CHODL: variants seen among roughly 807,000 people sequenced by gnomAD.
The protein encoded by CHODL is chondrolectin, also known as transmembrane protein MT75.
A neutral mutation model predicts 34.5 loss-of-function variants in CHODL; 29 were observed. The ratio of observed to expected loss-of-function variants is 0.84; its 90% CI spans 0.63 to 1.15. The LOEUF is 1.15. Ranked by LOEUF, CHODL falls within the 50% of genes most tolerant of loss-of-function variation. The pLI, the probability that CHODL is intolerant of heterozygous loss-of-function variation, is 0.00. For synonymous variants in CHODL, 125 were observed against 116.1 expected (o/e 1.08, Z -0.49); for missense variants, 332 against 332.5 (o/e 1.00, Z 0.01).
intron 1 of CHODL, among the ~76,000 whole-genome samples, chr21:17,933,944 C>G (rs560927142): frequency 6.6e-6 from 1 of 151,172 alleles, no homozygotes; most frequent in Non-Finnish European, 1.5e-5. Flanking sequence ...GAGGCTGAGA[C>G]GAGAATCACT....
Position 18,167,476 on chromosome 21 carries a change from A to AT in CHODL, c.-44-89027dup, listed in dbSNP as rs201321229. Among the ~76,000 whole-genome samples, 782 of 151,492 alleles carry AT rather than the reference A, an allele frequency of 5.2e-3. 16 individuals are homozygous for AT. Among genetic ancestry groups the AT allele is most frequent in the East Asian group, 0.048 (245 of 5,118 alleles). ...AGGCGACCACCACCACGCCCGGCTA[A>AT]TTTTTTGTATTTGTAGTACAGATGG... On this transcript the variant is annotated intron_variant, in intron 2 of 6. Transcript: ENST00000400127.
At chr21:18,245,423 C>A (rs989770139) in intron 1 of CHODL, 121 bp downstream of exon 1, 3 of 722,642 alleles carry the variant, frequency 4.2e-6, no homozygotes, top group Admixed American at 6.6e-5. Context: ...GTGTAAGGAC[C>A]CGGGAGGAGG....
At chr21:18,164,850 C>T (rs773216475) in intron 2 of CHODL, among the ~76,000 whole-genome samples, 3 of 152,190 alleles carry the variant, frequency 2.0e-5, no homozygotes, top group Non-Finnish European at 4.4e-5. Flanking sequence ...GGAATGCTTC[C>T]GCTATCCAGC....
At chr21:18,166,364 C>A (rs1470678039) in intron 2 of CHODL, among the ~76,000 whole-genome samples, 1 of 152,166 alleles carries the variant, frequency 6.6e-6, no homozygotes, top group African/African-American at 2.4e-5. Context: ...AATCAACTGA[C>A]TAGTAACCTT....
At chr21:18,110,634 A>C (rs1021721903) in intron 2 of CHODL, among the ~76,000 whole-genome samples, 1 of 152,258 alleles carries the variant, frequency 6.6e-6, no homozygotes, top group South Asian at 2.1e-4. Context: ...CATGACAAAA[A>C]CCACAAAATA....
chr21:18,253,413 G>T (rs73206943), intron 1 of CHODL, among the ~76,000 whole-genome samples: 2,751 of 152,078 alleles, frequency 0.018, 31 homozygotes, highest in Admixed American at 0.028. Context: ...AAGGCAGAAA[G>T]TTCTTGGAGT....
chr21:18,256,912 C>A, intron 2 of CHODL, 58 bp from the exon 3 acceptor site: 1 of 1,587,380 alleles, frequency 6.3e-7, no homozygotes. Flanking sequence ...CAGAGTAGGA[C>A]AGGCAGAATC....
intron 2 of CHODL, among the ~76,000 whole-genome samples, chr21:18,179,799 T>C (rs1221199051): frequency 2.0e-5 from 3 of 152,232 alleles, no homozygotes; most frequent in Non-Finnish European, 4.4e-5. Flanking sequence ...TTCCATTTTT[T>C]GTCAACGTAC....
chr21:17,922,811 T>C (rs1247300537), intron 1 of CHODL, among the ~76,000 whole-genome samples: 1 of 152,132 alleles, frequency 6.6e-6, no homozygotes, highest in African/African-American at 2.4e-5. Context: ...AGAGTTTATT[T>C]TGCCAAGTTT....
chr21:18,007,424 A>G (rs2063970974), intron 1 of CHODL, among the ~76,000 whole-genome samples: 1 of 152,274 alleles, frequency 6.6e-6, no homozygotes, highest in South Asian at 2.1e-4. Context: ...TACTTGGGAT[A>G]TAAAACTCTC....
At position 17,920,086 on chromosome 21, in the gene CHODL, C is replaced by T. The variant is rs141480049; in HGVS notation, c.-145+2686C>T. ...CCATTCAACAAGTCTCTAGGGAGTT[C>T]CAAACTTTCCCACATTTTTCTGTTT... is the stretch of plus-strand genomic sequence containing the variant. On this transcript the variant is annotated intron_variant, in intron 1 of 6. Coordinates refer to the CHODL transcript ENST00000400127. 2.8e-3 allele frequency among the ~76,000 whole-genome samples: 433 copies of T among 152,306 alleles called. 2 individuals are homozygous for T. The highest frequency in any genetic ancestry group is 9.8e-3 in the African/African-American group (409 of 41,560).
intron 1 of CHODL, among the ~76,000 whole-genome samples, chr21:17,963,075 ATAAT>A (rs753992413): frequency 0.099 from 10,521 of 106,606 alleles, 741 homozygotes; most frequent in African/African-American, 0.21. Context: ...AAAAAAAAAA[ATAAT>A]AATAATAATA....
chr21:18,067,709 T>C (rs1431236584), intron 2 of CHODL, among the ~76,000 whole-genome samples: 2 of 152,222 alleles, frequency 1.3e-5, no homozygotes, highest in Non-Finnish European at 2.9e-5. Context: ...TTCCTTCATA[T>C]TTGAGAAATA....
intron 4 of CHODL, among the ~76,000 whole-genome samples, chr21:18,260,832 CA>C (rs1270618706): frequency 1.4e-5 from 2 of 143,488 alleles, no homozygotes; most frequent in Non-Finnish European, 3.0e-5. Flanking sequence ...ACAACAACAA[CA>C]ACAACAACAA....
intron 2 of CHODL, among the ~76,000 whole-genome samples, chr21:18,149,621 T>A (rs1601072314): frequency 2.0e-5 from 3 of 152,184 alleles, no homozygotes; most frequent in South Asian, 2.1e-4. Context: ...TCAAGCTACA[T>A]CTCAATGATA....
chr21:18,146,324 G>C (rs73312496), intron 2 of CHODL, among the ~76,000 whole-genome samples: 16,390 of 151,908 alleles, frequency 0.11, 1,189 homozygotes, highest in East Asian at 0.24. Context: ...CACCGTACCT[G>C]ATATGGTTTA....
intron 1 of CHODL, among the ~76,000 whole-genome samples, chr21:17,936,048 G>A (rs2063316379): frequency 1.5e-5 from 2 of 135,582 alleles, no homozygotes; most frequent in African/African-American, 5.9e-5. Flanking sequence ...GAAGAAACAT[G>A]AAGCAGAGTC....
At chr21:18,245,726 C>A (rs112538589) in intron 1 of CHODL, 40,879 of 603,786 alleles carry the variant, frequency 0.068, 1,791 homozygotes, top group Non-Finnish European at 0.089. Flanking sequence ...GGACTTTGGT[C>A]CCAGCACCGT....
At chr21:18,041,205 G>C (rs1302762255) in intron 2 of CHODL, among the ~76,000 whole-genome samples, 1 of 151,886 alleles carries the variant, frequency 6.6e-6, no homozygotes, top group Non-Finnish European at 1.5e-5. Flanking sequence ...GTCATAGACA[G>C]ACACAAGGTG....
Sources: gnomAD v4.1 joint callset for allele counts (sites outside exome capture counted in the v4.1 genomes callset) on GRCh38, gnomAD v4.1.1 for gene constraint, MANE v1.5 for transcripts, NCBI Gene and HGNC (gene_info 2026-07-23, HGNC 2026-07-21) for gene names.